CCSER1: variants seen among roughly 807,000 people sequenced by gnomAD.
The protein encoded by CCSER1 is coiled-coil serine rich protein 1, also known as serine-rich coiled-coil domain-containing protein 1.
A neutral mutation model predicts 82.0 loss-of-function variants in CCSER1; 41 were observed. The ratio of observed to expected loss-of-function variants is 0.50; its 90% CI spans 0.39 to 0.65. CCSER1 has a LOEUF of 0.65. CCSER1 is among the 30% of genes least tolerant of loss of function. The pLI is 0.00. For missense variants in CCSER1, 1,119 were observed against 1,064.2 expected (o/e 1.05, Z -0.72); for synonymous variants, 414 against 383.9 (o/e 1.08, Z -0.92).
chr4:91,081,102 CA>C (rs775927913), intron 9 of CCSER1, among the ~76,000 whole-genome samples: 2 of 151,996 alleles, frequency 1.3e-5, no homozygotes, highest in African/African-American at 4.8e-5. Flanking sequence ...AGAGACACAA[CA>C]AAAAAAGGGA....
intron 7 of CCSER1, among the ~76,000 whole-genome samples, chr4:90,767,286 G>A (rs1192078333): frequency 1.3e-5 from 2 of 151,364 alleles, no homozygotes; most frequent in Admixed American, 6.6e-5. Context: ...TCTAAAAGAA[G>A]CAAGTGCAAA....
intron 9 of CCSER1, among the ~76,000 whole-genome samples, chr4:90,929,117 T>C (rs1315733386): frequency 1.3e-5 from 2 of 152,156 alleles, no homozygotes; most frequent in African/African-American, 4.8e-5. Flanking sequence ...CAGAGTTGGA[T>C]TTATATGCTT....
chr4:90,861,924 ATATTTT>A (rs1561265314), intron 8 of CCSER1, among the ~76,000 whole-genome samples: 2 of 108,938 alleles, frequency 1.8e-5, no homozygotes, highest in African/African-American at 3.0e-5. Context: ...ATATATATAT[ATATTTT>A]TTTTTTCTGT....
At chr4:91,102,489 G>T (rs1725173119) in intron 10 of CCSER1, among the ~76,000 whole-genome samples, 1 of 152,144 alleles carries the variant, frequency 6.6e-6, no homozygotes, top group African/African-American at 2.4e-5. Flanking sequence ...CTTTACAGCG[G>T]ATTTTACAAA....
chr4:91,150,393 G>C (rs763009956), intron 10 of CCSER1, among the ~76,000 whole-genome samples: 80 of 152,276 alleles, frequency 5.3e-4, no homozygotes, highest in Non-Finnish European at 9.4e-4. Context: ...GGATGATGGG[G>C]TTTTCTAAAT....
At chr4:90,158,274 A>G (rs1728697513) in intron 1 of CCSER1, among the ~76,000 whole-genome samples, 1 of 152,110 alleles carries the variant, frequency 6.6e-6, no homozygotes, top group Non-Finnish European at 1.5e-5. Flanking sequence ...GTGAGGTGTC[A>G]GTCTACCCCT....
At chr4:91,570,447 T>G (rs1355204428) in intron 10 of CCSER1, among the ~76,000 whole-genome samples, 2 of 152,216 alleles carry the variant, frequency 1.3e-5, no homozygotes, top group African/African-American at 4.8e-5. Context: ...AATTTCTGCC[T>G]GGACATCCAG....
intron 10 of CCSER1, among the ~76,000 whole-genome samples, chr4:91,158,346 T>C (rs1731028561): frequency 6.6e-6 from 1 of 152,026 alleles, no homozygotes; most frequent in South Asian, 2.1e-4. Flanking sequence ...CAGCATCCTT[T>C]TGAGGCTCAA....
intron 9 of CCSER1, among the ~76,000 whole-genome samples, chr4:91,059,354 C>CATATA (rs1743753859): frequency 8.6e-5 from 7 of 81,656 alleles, no homozygotes; most frequent in African/African-American, 2.8e-4. Context: ...TATATATACA[C>CATATA]GTGTGTATGT....
intron 10 of CCSER1, among the ~76,000 whole-genome samples, chr4:91,149,138 C>A (rs1237487136): frequency 1.3e-5 from 2 of 152,162 alleles, no homozygotes; most frequent in Non-Finnish European, 2.9e-5. Context: ...TCCTCTCCAG[C>A]ACCTGTTGTT....
intron 5 of CCSER1, among the ~76,000 whole-genome samples, chr4:90,491,145 A>C (rs184089630): frequency 2.4e-4 from 35 of 144,976 alleles, no homozygotes; most frequent in Admixed American, 5.4e-4. Flanking sequence ...GATTCTTCCT[A>C]TCCATGAGTA....
chr4:91,343,944 G>A (rs1747886461), intron 10 of CCSER1, among the ~76,000 whole-genome samples: 1 of 152,078 alleles, frequency 6.6e-6, no homozygotes, highest in South Asian at 2.1e-4. Flanking sequence ...ATAAATAATA[G>A]GTAGTACACT....
chr4:90,776,816 C>T (rs539380498), intron 7 of CCSER1, among the ~76,000 whole-genome samples: 2 of 152,236 alleles, frequency 1.3e-5, no homozygotes, highest in South Asian at 4.1e-4. Flanking sequence ...TGGTAAATGA[C>T]AAAGTTTTAA....
intron 7 of CCSER1, among the ~76,000 whole-genome samples, chr4:90,790,227 A>G (rs1006100593): frequency 3.9e-5 from 6 of 152,188 alleles, no homozygotes; most frequent in African/African-American, 1.4e-4. Flanking sequence ...TCAGCAAACT[A>G]CTGCAGGAGT....
chr4:91,234,095 A>C (rs562488285), intron 10 of CCSER1, among the ~76,000 whole-genome samples: 10 of 152,034 alleles, frequency 6.6e-5, no homozygotes, highest in Non-Finnish European at 1.3e-4. Context: ...AGATAATAGA[A>C]TGAAAATCTA....
chr4:91,312,921 G>A (rs975946306), intron 10 of CCSER1, among the ~76,000 whole-genome samples: 15 of 151,812 alleles, frequency 9.9e-5, no homozygotes, highest in African/African-American at 2.2e-4. Flanking sequence ...GGTAACTCCC[G>A]TCTAGTAAAA....
In CCSER1 at chr4:90,271,856, ATATATATTTTTTTTTTTTTT is replaced by A. The variant is rs1253993352; in HGVS notation, c.-41-36386_-41-36367del. Among the ~76,000 whole-genome samples the A allele has an allele frequency of 1.1e-3, 28 of 26,088 alleles. 1 individual carries two copies. The highest frequency in any genetic ancestry group is 7.8e-3 in the African/African-American group (25 of 3,206). 17.1% of individuals were successfully genotyped at this position (26,088 alleles called of 152,430 possible). On this transcript the variant is annotated intron_variant, in intron 1 of 10. Transcript: ENST00000509176. ...TATATATATATATATATATATATAT[ATATATATTTTTTTTTTTTTT>A]TTTTTTTTTTTTTTAAAAGGAGGTT... is the stretch of plus-strand genomic sequence containing the variant.
At chr4:90,903,803 C>T (rs981222885) in intron 8 of CCSER1, among the ~76,000 whole-genome samples, 3 of 149,872 alleles carry the variant, frequency 2.0e-5, no homozygotes, top group African/African-American at 7.4e-5. Flanking sequence ...CACCACTGCA[C>T]TCCAGCCTGG....
At chr4:90,177,863 C>G (rs1242794863) in intron 1 of CCSER1, among the ~76,000 whole-genome samples, 1 of 152,036 alleles carries the variant, frequency 6.6e-6, no homozygotes, top group East Asian at 1.9e-4. Context: ...TTTACATGTT[C>G]AGAGTAAGCC....
Sources: allele counts gnomAD v4.1 joint callset (sites outside exome capture counted in the v4.1 genomes callset), GRCh38; gene constraint gnomAD v4.1.1; transcripts MANE v1.5; gene names NCBI Gene and HGNC (gene_info 2026-07-23, HGNC 2026-07-21).